NPSR1: variants seen among roughly 807,000 people sequenced by gnomAD.
The protein encoded by NPSR1 is neuropeptide S receptor 1, also known as neuropeptide S receptor.
Under a neutral mutation model 46.9 loss-of-function variants are expected in NPSR1, and 48 were observed. The ratio of observed to expected loss-of-function variants is 1.02; its 90% CI spans 0.81 to 1.30. The LOEUF is 1.30. Ranked by LOEUF, NPSR1 falls within the 50% of genes most tolerant of loss-of-function variation. The pLI, the probability that NPSR1 is intolerant of heterozygous loss-of-function variation, is 0.00. For synonymous variants in NPSR1, 176 were observed against 168.1 expected, an observed-to-expected ratio of 1.05 and a Z score of -0.36; for missense variants, 450 against 449.5, an observed-to-expected ratio of 1.00 and a Z score of -0.01.
At chr7:34,854,254 A>G (rs1014824336), downstream of NPSR1, among the ~76,000 whole-genome samples, 11 of 152,344 alleles carry the variant, frequency 7.2e-5, no homozygotes, top group African/African-American at 2.6e-4. Flanking sequence ...AAACAGGGAC[A>G]TAAAACAGCT....
At chr7:34,777,178 C>T (rs1787002090) in intron 2 of NPSR1, among the ~76,000 whole-genome samples, 1 of 152,110 alleles carries the variant, frequency 6.6e-6, no homozygotes, top group South Asian at 2.1e-4. Flanking sequence ...GTGGCCTAGA[C>T]TGACTTTCAA....
At chr7:34,798,865 T>A (rs1788325817) in intron 3 of NPSR1, among the ~76,000 whole-genome samples, 1 of 152,170 alleles carries the variant, frequency 6.6e-6, no homozygotes, top group Admixed American at 6.5e-5. Flanking sequence ...AACACACTTC[T>A]AAGTAATAAG....
At chr7:34,713,699 C>T (rs1783414300) in intron 2 of NPSR1, among the ~76,000 whole-genome samples, 1 of 152,076 alleles carries the variant, frequency 6.6e-6, no homozygotes, top group South Asian at 2.1e-4. Context: ...CTAGGCTTCC[C>T]AAATAAGCCT....
chr7:34,874,640 G>A (rs1173087740), intron 8 of NPSR1, among the ~76,000 whole-genome samples: 7 of 152,304 alleles, frequency 4.6e-5, no homozygotes, highest in African/African-American at 1.4e-4. Flanking sequence ...TGAAAGGGTT[G>A]GATCTTTGGA....
At chr7:34,702,237 A>G (rs1473755019) in intron 2 of NPSR1, among the ~76,000 whole-genome samples, 1 of 152,234 alleles carries the variant, frequency 6.6e-6, no homozygotes, top group Non-Finnish European at 1.5e-5. Context: ...AGAGGGGCTC[A>G]TATCAGCTCT....
At chr7:34,821,315 A>G (rs1789551520) in intron 4 of NPSR1, among the ~76,000 whole-genome samples, 1 of 151,732 alleles carries the variant, frequency 6.6e-6, no homozygotes. Flanking sequence ...ATTTTAGTAG[A>G]GATGGGGTTT....
intron 2 of NPSR1, among the ~76,000 whole-genome samples, chr7:34,712,772 T>C: frequency 6.6e-6 from 1 of 152,370 alleles, no homozygotes; most frequent in Middle Eastern, 3.4e-3. Flanking sequence ...AAATATTTTA[T>C]TCATTTCTCA....
At chr7:34,803,848 GATAA>G (rs1385874475) in intron 3 of NPSR1, among the ~76,000 whole-genome samples, 2 of 151,110 alleles carry the variant, frequency 1.3e-5, no homozygotes, top group Non-Finnish European at 2.9e-5. Context: ...TTAAAAGAAT[GATAA>G]ATAAATACCA....
At chr7:34,832,839 TA>T (rs1216295314) in intron 5 of NPSR1, among the ~76,000 whole-genome samples, 2 of 152,232 alleles carry the variant, frequency 1.3e-5, no homozygotes, top group African/African-American at 4.8e-5. Context: ...AGTGTAACCT[TA>T]CCTTGCACAG....
intron 3 of NPSR1, among the ~76,000 whole-genome samples, chr7:34,786,260 A>C (rs1257182764): frequency 6.6e-6 from 1 of 152,156 alleles, no homozygotes. Flanking sequence ...AGTAGATTCC[A>C]TTTCAAGGAA....
At chr7:34,692,394 G>A (rs894341962) in intron 2 of NPSR1, among the ~76,000 whole-genome samples, 4 of 151,856 alleles carry the variant, frequency 2.6e-5, no homozygotes, top group Non-Finnish European at 2.9e-5. Flanking sequence ...TCAAACCAAC[G>A]GGCACCTTCA....
chr7:34,728,706 T>A (rs1225467079), intron 2 of NPSR1: 1 of 152,682 alleles, frequency 6.5e-6, no homozygotes, highest in Admixed American at 6.5e-5. Flanking sequence ...ACCCCTCTGA[T>A]GGGCTTCAGA....
chr7:34,855,764 C>CA (rs971736940), intron 8 of NPSR1, among the ~76,000 whole-genome samples: 37 of 150,508 alleles, frequency 2.5e-4, no homozygotes, highest in African/African-American at 7.1e-4. Context: ...GCAAAAATTC[C>CA]AAAAAAAAAT....
intron 2 of NPSR1, chr7:34,703,726 T>G (rs1793964095): frequency 6.6e-6 from 1 of 152,634 alleles, no homozygotes; most frequent in Non-Finnish European, 1.5e-5. Context: ...CATTCTGTAA[T>G]TCTTAGAATT....
At chr7:34,812,174 T>C (rs996385519) in intron 4 of NPSR1, among the ~76,000 whole-genome samples, 2 of 152,146 alleles carry the variant, frequency 1.3e-5, no homozygotes, top group Non-Finnish European at 2.9e-5. Flanking sequence ...CTTCCATCTT[T>C]TTCCTCTAGA....
intron 2 of NPSR1, among the ~76,000 whole-genome samples, chr7:34,752,535 G>T (rs188590309): frequency 6.6e-6 from 1 of 152,094 alleles, no homozygotes; most frequent in Admixed American, 6.6e-5. Flanking sequence ...TCGTACAGGG[G>T]CACTGGCTTT....
At chr7:34,858,163 G>A (rs1047412372) in intron 8 of NPSR1, among the ~76,000 whole-genome samples, 32 of 151,640 alleles carry the variant, frequency 2.1e-4, no homozygotes, top group Admixed American at 1.4e-3. Flanking sequence ...TGTGTTTCCC[G>A]TGACCTTGAA....
intron 2 of NPSR1, among the ~76,000 whole-genome samples, chr7:34,766,312 A>G (rs1238598462): frequency 1.3e-5 from 2 of 152,120 alleles, no homozygotes; most frequent in East Asian, 1.9e-4. Context: ...AGTTAAACAT[A>G]TATTTACTTA....
chr7:34,866,350 C>G (rs201838178), intron 8 of NPSR1, among the ~76,000 whole-genome samples: 2,723 of 112,092 alleles, frequency 0.024, 1 homozygote, highest in African/African-American at 0.03. Flanking sequence ...CAGAGGAAGT[C>G]AGCTCATGGA....
Sources: allele counts gnomAD v4.1 joint callset (sites outside exome capture counted in the v4.1 genomes callset), GRCh38; gene constraint gnomAD v4.1.1; transcripts MANE v1.5; gene names NCBI Gene and HGNC (gene_info 2026-07-23, HGNC 2026-07-21).